ADGRL3: variants seen among roughly 807,000 people sequenced by gnomAD.
The protein encoded by ADGRL3 is calcium-independent alpha-latrotoxin receptor 3.
ADGRL3 carries 62 observed loss-of-function variants against 153.5 expected under a neutral mutation model. That is an observed-to-expected ratio of 0.40 (90% CI 0.33 to 0.50). The LOEUF (loss-of-function observed/expected upper bound fraction) is 0.50. ADGRL3 is among the 20% of genes least tolerant of loss of function. The probability of loss-of-function intolerance (pLI) is 0.47; values close to 1 mark genes in which losing one functional copy is unlikely to be tolerated. For missense variants in ADGRL3, 1,641 were observed against 1,859.4 expected, an observed-to-expected ratio of 0.88 and a Z score of 2.16; for synonymous variants, 710 against 672.5, an observed-to-expected ratio of 1.06 and a Z score of -0.86.
chr4:61,849,265 T>G (rs1205936047), intron 9 of ADGRL3, among the ~76,000 whole-genome samples: 2 of 152,120 alleles, frequency 1.3e-5, no homozygotes, highest in South Asian at 2.1e-4. Context: ...TTACTACTCT[T>G]TGTAAAAGTC....
chr4:61,392,158 C>T (rs191254732), intron 2 of ADGRL3, among the ~76,000 whole-genome samples: 150 of 151,634 alleles, frequency 9.9e-4, no homozygotes, highest in African/African-American at 3.5e-3. Flanking sequence ...CGTGAGCCCC[C>T]CTGCCCGGCC....
intron 21 of ADGRL3, among the ~76,000 whole-genome samples, chr4:62,014,692 A>C (rs2099203224): frequency 6.6e-6 from 1 of 152,166 alleles, no homozygotes; most frequent in Non-Finnish European, 1.5e-5. Flanking sequence ...CTTGAGAATC[A>C]TGGCTCAAGC....
chr4:61,626,958 AG>A (rs2092868162), intron 5 of ADGRL3, among the ~76,000 whole-genome samples: 1 of 152,140 alleles, frequency 6.6e-6, no homozygotes, highest in African/African-American at 2.4e-5. Context: ...TTTAACTATT[AG>A]GTTGATGTGA....
At chr4:61,557,152 T>C (rs781683725) in intron 4 of ADGRL3, among the ~76,000 whole-genome samples, 1 of 152,120 alleles carries the variant, frequency 6.6e-6, no homozygotes, top group Non-Finnish European at 1.5e-5. Context: ...AGGTGAAAAG[T>C]TTATAAAATT....
intron 1 of ADGRL3, among the ~76,000 whole-genome samples, chr4:61,337,198 T>C (rs2095696565): frequency 6.6e-6 from 1 of 152,134 alleles, no homozygotes; most frequent in Admixed American, 6.6e-5. Context: ...TGAACTCTCA[T>C]CTCCAAGGAA....
chr4:61,555,065 C>A (rs1007211566), intron 4 of ADGRL3, among the ~76,000 whole-genome samples: 1 of 152,128 alleles, frequency 6.6e-6, no homozygotes, highest in Admixed American at 6.5e-5. Context: ...GGAGAGAACA[C>A]CTTTACCCAT....
intron 1 of ADGRL3, among the ~76,000 whole-genome samples, chr4:61,272,295 CA>C (rs892506249): frequency 5.3e-5 from 8 of 150,226 alleles, no homozygotes; most frequent in Non-Finnish European, 1.2e-4. Flanking sequence ...ATTTTCATGA[CA>C]AAAAAATCAG....
chr4:61,764,196 T>C (rs2096945886), intron 8 of ADGRL3, among the ~76,000 whole-genome samples: 1 of 152,148 alleles, frequency 6.6e-6, no homozygotes, highest in African/African-American at 2.4e-5. Context: ...CATGTATACA[T>C]TACGTATACA....
chr4:61,906,439 G>A (rs2098696007), intron 11 of ADGRL3: 1 of 152,088 alleles, frequency 6.6e-6, no homozygotes, highest in South Asian at 2.1e-4. Flanking sequence ...AAATTCCAGG[G>A]TATGAATCTG....
intron 9 of ADGRL3, among the ~76,000 whole-genome samples, chr4:61,814,965 A>G (rs1251659112): frequency 3.3e-5 from 5 of 152,050 alleles, no homozygotes; most frequent in Non-Finnish European, 7.4e-5. Flanking sequence ...AGAATGTCAT[A>G]TTTATTATTT....
At chr4:61,288,552 A>G (rs893533659) in intron 1 of ADGRL3, among the ~76,000 whole-genome samples, 5 of 152,014 alleles carry the variant, frequency 3.3e-5, no homozygotes, top group Admixed American at 6.6e-5. Context: ...GAAGTCTTCA[A>G]GCACTCTATT....
intron 2 of ADGRL3, among the ~76,000 whole-genome samples, chr4:61,483,817 CTATATGCTATCATATGTAGT>C (rs2098159521): frequency 6.6e-6 from 1 of 151,068 alleles, no homozygotes; most frequent in South Asian, 2.1e-4. Context: ...TAATTAAAAA[CTATATGCTATCATATGTAGT>C]TATATGTACA....
intron 1 of ADGRL3, among the ~76,000 whole-genome samples, chr4:61,287,433 A>G (rs1006632342): frequency 6.6e-6 from 1 of 151,980 alleles, no homozygotes; most frequent in African/African-American, 2.4e-5. Context: ...TTAAAACAGT[A>G]GAAAAATTAC....
intron 6 of ADGRL3, among the ~76,000 whole-genome samples, chr4:61,710,844 A>G (rs1347082520): frequency 6.6e-6 from 1 of 152,030 alleles, no homozygotes; most frequent in African/African-American, 2.4e-5. Flanking sequence ...AATAAATAAT[A>G]TTGATTTTTT....
chr4:61,643,858 G>A (rs929852684), intron 5 of ADGRL3, among the ~76,000 whole-genome samples: 4 of 148,034 alleles, frequency 2.7e-5, no homozygotes, highest in African/African-American at 7.5e-5. Flanking sequence ...AGTTTCAGAA[G>A]GCATGGTACC....
At chr4:61,306,395 G>A (rs187971773) in intron 1 of ADGRL3, among the ~76,000 whole-genome samples, 10 of 152,154 alleles carry the variant, frequency 6.6e-5, no homozygotes, top group South Asian at 2.1e-4. Context: ...ACCCCACACC[G>A]CCAAGAACTT....
rs372643686 is a variant in ADGRL3, at chr4:61,945,706, C to T, written c.2420-1208C>T. ...TGGGAGTGACCCGATTTTCCAGGTG[C>T]GTCCGTCACCCCTTTCTTTGACTCT... On this transcript the variant is annotated intron_variant, in intron 15 of 26. Coordinates refer to ENST00000683033, the MANE Select transcript of ADGRL3 (RefSeq NM_001387552.1). 1.6e-3 allele frequency among the ~76,000 whole-genome samples: 243 copies of T among 150,280 alleles called. 1 individual carries two copies. Among genetic ancestry groups the T allele is most frequent in the African/African-American group, 5.8e-3 (239 of 40,932 alleles).
At chr4:61,685,016 A>T (rs980080056) in intron 6 of ADGRL3, among the ~76,000 whole-genome samples, 2 of 151,782 alleles carry the variant, frequency 1.3e-5, no homozygotes, top group Admixed American at 6.6e-5. Context: ...GGACTCAAGT[A>T]ATTCTCCCCC....
intron 13 of ADGRL3, among the ~76,000 whole-genome samples, chr4:61,933,101 T>C (rs183711819): frequency 6.6e-6 from 1 of 152,186 alleles, no homozygotes; most frequent in East Asian, 1.9e-4. Context: ...ATTAAGATTA[T>C]CAGCAGCTAA....
Sources: allele counts gnomAD v4.1 joint callset (sites outside exome capture counted in the v4.1 genomes callset), GRCh38; gene constraint gnomAD v4.1.1; transcripts MANE v1.5; gene names NCBI Gene and HGNC (gene_info 2026-07-23, HGNC 2026-07-21).